GRIA3: variants seen among roughly 807,000 people sequenced by gnomAD.
GRIA3 encodes the protein glutamate receptor 3.
A neutral mutation model predicts 63.0 loss-of-function variants in GRIA3; 3 were observed. The ratio of observed to expected loss-of-function variants is 0.05; its 90% CI spans 0.02 to 0.12. The LOEUF (loss-of-function observed/expected upper bound fraction) is 0.12, where lower values mean the gene tolerates loss of function less well. GRIA3 is among the 10% of genes least tolerant of loss of function. GRIA3 has a pLI of 1.00. For synonymous variants in GRIA3, 274 were observed against 257.9 expected (o/e 1.06, Z -0.60); for missense variants, 347 against 700.9 (o/e 0.50, Z 5.70).
At chrX:123,449,734 T>C (rs1375935484) in intron 12 of GRIA3, among the ~76,000 whole-genome samples, 1 of 112,169 alleles carries the variant, frequency 8.9e-6, no homozygotes, top group African/African-American at 3.2e-5. Context: ...AACATTTTAG[T>C]GGCCCCATTT....
Position 123,428,282 on chromosome X carries a change from G to A in GRIA3, c.2076+143G>A. 1.2e-5 allele frequency: 6 copies of A among 510,012 alleles called. No individual in the cohort carries two copies. The South Asian group carries it at 1.6e-4, about 13-fold the overall frequency. 42.0% of individuals were successfully genotyped at this position (510,012 alleles called of 1,213,427 possible). A position where few individuals can be genotyped will look rare whatever the true frequency, so the allele number is the denominator to read the frequency against. ...GAGCATCTTAAATACTGGGCTGCTT[G>A]GTTGGTGATCTACTCCATTGTCGTT... On this transcript the variant is annotated intron_variant, in intron 12 of 15. Coordinates refer to ENST00000620443, the MANE Select transcript of GRIA3 (RefSeq NM_007325.5).
At chrX:123,484,328 G>C (rs1421158015) in intron 15 of GRIA3, among the ~76,000 whole-genome samples, 1 of 112,723 alleles carries the variant, frequency 8.9e-6, no homozygotes, top group Non-Finnish European at 1.9e-5. Flanking sequence ...CCTATCTGAA[G>C]TGGAACAGAA....
intron 2 of GRIA3, among the ~76,000 whole-genome samples, chrX:123,218,254 T>A (rs1381473549): frequency 9.0e-6 from 1 of 111,293 alleles, no homozygotes; most frequent in African/African-American, 3.3e-5. Flanking sequence ...CTGAGATGAC[T>A]GAGGATAAGA....
At chrX:123,230,273 C>A (rs764824886) in intron 2 of GRIA3, among the ~76,000 whole-genome samples, 7 of 111,705 alleles carry the variant, frequency 6.3e-5, no homozygotes, top group African/African-American at 2.3e-4. Context: ...TAAATAGTAC[C>A]CCATGTTCTG....
chrX:123,341,587 T>C (rs2045009245), intron 4 of GRIA3, among the ~76,000 whole-genome samples: 2 of 112,590 alleles, frequency 1.8e-5, no homozygotes, highest in Non-Finnish European at 3.8e-5. Context: ...TCTGATTTCA[T>C]AACAAACAAT....
chrX:123,233,808 T>C (rs759995140), intron 2 of GRIA3, among the ~76,000 whole-genome samples: 2 of 111,765 alleles, frequency 1.8e-5, no homozygotes, highest in Non-Finnish European at 3.8e-5. Context: ...GGGAATTTGA[T>C]GATCAGAGGT....
intron 4 of GRIA3, among the ~76,000 whole-genome samples, chrX:123,352,845 A>C (rs1233248494): frequency 9.0e-6 from 1 of 111,581 alleles, no homozygotes; most frequent in Non-Finnish European, 1.9e-5. Flanking sequence ...CGGACACTGA[A>C]GAATACATCC....
chrX:123,260,659 T>C lies in GRIA3; in HGVS notation c.508+7117T>C, dbSNP rs752826439. 6.5e-5 allele frequency among the ~76,000 whole-genome samples: 7 copies of C among 107,673 alleles called. No individual in the cohort carries two copies. In the East Asian group the frequency reaches 1.8e-3, roughly 27 times the overall value. 93.5% of individuals were successfully genotyped at this position (107,673 alleles called of 115,157 possible). On this transcript the variant is annotated intron_variant, in intron 3 of 15. Transcript: ENST00000620443. ...CAATTCTGATTGTGTCCATTTGCCTTCTGGGAAAAGTGAAGTCAAGAGAGT... is the reference window on the plus strand; with the variant it reads ...CAATTCTGATTGTGTCCATTTGCCTCCTGGGAAAAGTGAAGTCAAGAGAGT...
At chrX:123,227,386 A>G (rs1213130465) in intron 2 of GRIA3, among the ~76,000 whole-genome samples, 1 of 112,224 alleles carries the variant, frequency 8.9e-6, no homozygotes, top group Non-Finnish European at 1.9e-5. Flanking sequence ...AAAGGAATAA[A>G]TGAATGGACG....
At chrX:123,214,022 A>T (rs1445895340) in intron 2 of GRIA3, among the ~76,000 whole-genome samples, 2 of 111,835 alleles carry the variant, frequency 1.8e-5, no homozygotes, top group African/African-American at 6.5e-5. Flanking sequence ...AATCATTGTT[A>T]AAAATTGCAG....
Position 123,224,439 on chromosome X carries a change from G to A in GRIA3, c.269-28864G>A, listed in dbSNP as rs146441818. On this transcript the variant is annotated intron_variant, in intron 2 of 15. Coordinates refer to ENST00000620443, the MANE Select transcript of GRIA3 (RefSeq NM_007325.5). Reference sequence around the variant, plus strand: ...CTCCTTCTCTTCTATTATTTCAGTCGCTACAATAACTTTCTAACTGGTCTC... The same window carrying A: ...CTCCTTCTCTTCTATTATTTCAGTCACTACAATAACTTTCTAACTGGTCTC... Among the ~76,000 whole-genome samples, 962 of 111,235 alleles carry A rather than the reference G, an allele frequency of 8.6e-3. 11 individuals carry two copies. Among genetic ancestry groups the A allele is most frequent in the African/African-American group, 0.029 (896 of 30,546 alleles).
intron 13 of GRIA3, among the ~76,000 whole-genome samples, chrX:123,468,829 A>C (rs1041675723): frequency 1.8e-5 from 2 of 112,498 alleles, no homozygotes. Flanking sequence ...TTTCACAGAG[A>C]AAGTGCGATC....
intron 5 of GRIA3, among the ~76,000 whole-genome samples, chrX:123,376,123 T>C (rs971819542): frequency 8.9e-6 from 1 of 112,286 alleles, no homozygotes; most frequent in African/African-American, 3.2e-5. Context: ...CTCTATCTTA[T>C]GTCCTGGATA....
intron 4 of GRIA3, among the ~76,000 whole-genome samples, chrX:123,341,508 G>A (rs547002939): frequency 3.8e-4 from 2 of 5,237 alleles, no homozygotes; most frequent in South Asian, 0.035. Flanking sequence ...CACTAACCTC[G>A]CAGCACCACA....
chrX:123,254,963 T>G (rs1291809626), intron 3 of GRIA3, among the ~76,000 whole-genome samples: 1 of 111,943 alleles, frequency 8.9e-6, no homozygotes, highest in African/African-American at 3.3e-5. Flanking sequence ...ATATTATCAG[T>G]TAATTAGTCA....
At chrX:123,224,080 C>G (rs2044232539) in intron 2 of GRIA3, among the ~76,000 whole-genome samples, 1 of 111,986 alleles carries the variant, frequency 8.9e-6, no homozygotes, top group African/African-American at 3.2e-5. Context: ...TTTCAGTTCT[C>G]ATTCTGACTG....
At chrX:123,476,793 T>G (rs943676250) in intron 13 of GRIA3, among the ~76,000 whole-genome samples, 5 of 111,332 alleles carry the variant, frequency 4.5e-5, no homozygotes, top group Admixed American at 2.9e-4. Context: ...TAAAGTCCTG[T>G]GGTATCTCAC....
chrX:123,259,517 A>G (rs1165315684), intron 3 of GRIA3, among the ~76,000 whole-genome samples: 3 of 109,972 alleles, frequency 2.7e-5, no homozygotes, highest in Non-Finnish European at 3.8e-5. Flanking sequence ...GCGCGCGCAC[A>G]CACACACACA....
At chrX:123,268,399 G>C (rs1214352660) in intron 3 of GRIA3, among the ~76,000 whole-genome samples, 1 of 109,943 alleles carries the variant, frequency 9.1e-6, no homozygotes, top group East Asian at 2.8e-4. Flanking sequence ...CAGTATGAAA[G>C]GAAGCAGTAC....
Sources: gnomAD v4.1 joint callset for allele counts (sites outside exome capture counted in the v4.1 genomes callset) on GRCh38, gnomAD v4.1.1 for gene constraint, MANE v1.5 for transcripts, NCBI Gene and HGNC (gene_info 2026-07-23, HGNC 2026-07-21) for gene names.